Variants in KATNIP observed in about 807,000 individuals in gnomAD.
KATNIP encodes the protein katanin-interacting protein.
KATNIP carries 126 observed loss-of-function variants against 174.0 expected under a neutral mutation model. That is an observed-to-expected ratio of 0.72 (90% CI 0.63 to 0.84). The LOEUF (loss-of-function observed/expected upper bound fraction) is 0.84, where lower values mean the gene tolerates loss of function less well. KATNIP is among the 40% of genes least tolerant of loss of function. The pLI is 0.00. For synonymous variants in KATNIP, 810 were observed against 835.7 expected, an observed-to-expected ratio of 0.97 and a Z score of 0.53; for missense variants, 1,958 against 2,109.7, an observed-to-expected ratio of 0.93 and a Z score of 1.41.
intron 1 of KATNIP, among the ~76,000 whole-genome samples, chr16:27,565,581 T>C (rs565180451): frequency 5.3e-5 from 8 of 151,550 alleles, no homozygotes; most frequent in South Asian, 4.2e-4. Flanking sequence ...AATCCAGGAG[T>C]TTGAGCCCAG....
intron 13 of KATNIP, among the ~76,000 whole-genome samples, chr16:27,719,242 TG>T (rs1250988209): frequency 6.6e-6 from 1 of 152,100 alleles, no homozygotes; most frequent in Non-Finnish European, 1.5e-5. Context: ...CCTGGAGCCC[TG>T]GGAAATGGCG....
In KATNIP at chr16:27,681,904, G is replaced by C. The variant is rs565848966; in HGVS notation, c.940+374G>C. On this transcript the variant is annotated intron_variant, in intron 8 of 27. Transcript: ENST00000261588. ...GGCCGAGGCCCACTCACATGGTGGAGGGCAATCTGCCTTACTCTCCTGATG... is the reference window on the plus strand; with the variant it reads ...GGCCGAGGCCCACTCACATGGTGGACGGCAATCTGCCTTACTCTCCTGATG... Among the ~76,000 whole-genome samples the C allele has an allele frequency of 2.4e-4, 37 of 152,276 alleles. 1 individual carries two copies. The highest frequency in any genetic ancestry group is 8.4e-4 in the African/African-American group (35 of 41,564).
intron 2 of KATNIP, among the ~76,000 whole-genome samples, chr16:27,611,426 G>T (rs1265989655): frequency 1.3e-5 from 2 of 152,156 alleles, no homozygotes; most frequent in Non-Finnish European, 2.9e-5. Flanking sequence ...AACTGAATTA[G>T]GCACAAAAAG....
rs536072031 is a variant in KATNIP at position 27,571,987 on chromosome 16, G to T, written c.8-1914G>T. ...AATCTCTTGATCCCTAAATCCTGGGGGTGTGTGTGTGTGTGTGTATGTGTG... is the reference window on the plus strand; with the variant it reads ...AATCTCTTGATCCCTAAATCCTGGGTGTGTGTGTGTGTGTGTGTATGTGTG... On this transcript the variant is annotated intron_variant, in intron 1 of 27. Coordinates refer to ENST00000261588, the MANE Select transcript of KATNIP (RefSeq NM_015202.5). Among the ~76,000 whole-genome samples, 934 of 150,764 alleles carry T rather than the reference G, an allele frequency of 6.2e-3. 10 individuals carry two copies. The highest frequency in any genetic ancestry group is 0.019 in the African/African-American group (790 of 41,192).
At chr16:27,643,754 G>A (rs1464755113) in intron 5 of KATNIP, among the ~76,000 whole-genome samples, 1 of 151,950 alleles carries the variant, frequency 6.6e-6, no homozygotes, top group Non-Finnish European at 1.5e-5. Context: ...ACTAGAGTTT[G>A]GTAGGTCAGT....
intron 1 of KATNIP, among the ~76,000 whole-genome samples, chr16:27,565,945 A>T (rs947888511): frequency 2.0e-5 from 3 of 152,138 alleles, no homozygotes; most frequent in African/African-American, 7.2e-5. Context: ...AAAAATTAGA[A>T]GACTGGATTT....
chr16:27,615,274 A>G lies in KATNIP; in HGVS notation c.64-3151A>G, dbSNP rs138508936. On this transcript the variant is annotated intron_variant, in intron 2 of 27. Coordinates refer to ENST00000261588, the MANE Select transcript of KATNIP (RefSeq NM_015202.5). The stretch of plus-strand genomic sequence containing the variant: ...CTCCCGAGCAGCTGGGAATACAGGC[A>G]TGCACCACCACATCTGGCCTTTTTT... Among the ~76,000 whole-genome samples the G allele has an allele frequency of 6.8e-3, 1,002 of 147,086 alleles. 15 individuals carry two copies. Among genetic ancestry groups the G allele is most frequent in the African/African-American group, 0.024 (963 of 40,072 alleles).
chr16:27,767,237 G>T (rs910209713), intron 20 of KATNIP, among the ~76,000 whole-genome samples: 2 of 152,104 alleles, frequency 1.3e-5, no homozygotes, highest in Admixed American at 1.3e-4. Context: ...GTAACCTCTG[G>T]CACGTGGCCT....
At chr16:27,718,519 T>C (rs2080062160) in intron 13 of KATNIP, 1 of 152,150 alleles carries the variant, frequency 6.6e-6, no homozygotes, top group Admixed American at 6.5e-5. Flanking sequence ...TATCCGCAGG[T>C]TAATGTTCTT....
At chr16:27,586,998 T>C (rs569220100) in intron 2 of KATNIP, among the ~76,000 whole-genome samples, 1 of 151,570 alleles carries the variant, frequency 6.6e-6, no homozygotes, top group African/African-American at 2.4e-5. Flanking sequence ...ATTGAAGTCC[T>C]GGGAGATGGC....
intron 2 of KATNIP, among the ~76,000 whole-genome samples, chr16:27,595,849 C>T (rs565433669): frequency 6.6e-6 from 1 of 152,298 alleles, no homozygotes; most frequent in Admixed American, 6.5e-5. Context: ...TGAGCAGAGA[C>T]TACAGGAAGT....
chr16:27,766,393 G>A lies in KATNIP; in HGVS notation c.3894G>A (p.Thr1298=), dbSNP rs772450355. ...CGCCGGGGCTGGACCATGTGGTCAC[G>A]ATCCGCCTGGACAGGGCCGAAAGCA... is the stretch of plus-strand genomic sequence containing the variant. ...PFSPGLDHVV[T]IRLDRAESIA... is the part of the protein sequence containing the mutation. The change falls in exon 20 of 28, where the codon ACG becomes ACA. Residue 1298 remains threonine, a synonymous_variant. Transcript: ENST00000261588. 6.8e-6 allele frequency: 11 copies of A among 1,614,050 alleles called. 1 individual carries two copies. Among genetic ancestry groups the A allele is most frequent in the Admixed American group, 3.3e-5 (2 of 60,014 alleles).
intron 5 of KATNIP, among the ~76,000 whole-genome samples, chr16:27,633,330 T>G (rs550797451): frequency 1.3e-5 from 2 of 152,156 alleles, no homozygotes; most frequent in South Asian, 4.1e-4. Context: ...TCTGACTTGC[T>G]GAGGCTTAAG....
intron 2 of KATNIP, among the ~76,000 whole-genome samples, chr16:27,607,289 C>T (rs1226663803): frequency 6.6e-6 from 1 of 152,168 alleles, no homozygotes; most frequent in African/African-American, 2.4e-5. Context: ...CTGCTATCTC[C>T]ACTTAGAGGC....
intron 13 of KATNIP, among the ~76,000 whole-genome samples, chr16:27,716,215 T>A (rs1277735385): frequency 6.6e-6 from 1 of 152,222 alleles, no homozygotes; most frequent in Non-Finnish European, 1.5e-5. Flanking sequence ...CTATATGTTG[T>A]ATAATTTCAT....
rs8053976 is a variant in KATNIP at position 27,774,824 on chromosome 16, G to A, written c.4310-121G>A. On this transcript the variant is annotated intron_variant, in intron 23 of 27. Coordinates refer to ENST00000261588, the MANE Select transcript of KATNIP (RefSeq NM_015202.5). ...CGTCCAATTCAGCTGTCACTGCTGC[G>A]GCTGCCCAAAGCATCAGCCCTGCCA... 0.13 allele frequency: 154,420 copies of A among 1,149,918 alleles called. 11,436 individuals carry two copies. Among genetic ancestry groups the A allele is most frequent in the Admixed American group, 0.16 (7,689 of 48,612 alleles). 71.2% of individuals were successfully genotyped at this position (1,149,918 alleles called of 1,614,324 possible). A position where few individuals can be genotyped will look rare whatever the true frequency, so the allele number is the denominator to read the frequency against.
intron 7 of KATNIP, among the ~76,000 whole-genome samples, chr16:27,678,413 C>T (rs1478919899): frequency 6.6e-6 from 1 of 151,950 alleles, no homozygotes; most frequent in East Asian, 1.9e-4. Context: ...TCCCATCTCC[C>T]CTCTTCCCTC....
rs115148047 is a variant in KATNIP, at chr16:27,683,751, T to A, written c.940+2221T>A. On this transcript the variant is annotated intron_variant, in intron 8 of 27. Coordinates refer to ENST00000261588, the MANE Select transcript of KATNIP (RefSeq NM_015202.5). Reference sequence around the variant, plus strand: ...GCCTGAGTCTGCTTTCGGAGCTCCCTCAGCAGGTGGGGAGTAGGGGTGGCA... The same window carrying A: ...GCCTGAGTCTGCTTTCGGAGCTCCCACAGCAGGTGGGGAGTAGGGGTGGCA... 6.0e-3 allele frequency among the ~76,000 whole-genome samples: 914 copies of A among 152,232 alleles called. 19 individuals are homozygous for A. Among genetic ancestry groups the A allele is most frequent in the African/African-American group, 0.021 (879 of 41,524 alleles).
chr16:27,746,346 G>A (rs2081295580), intron 15 of KATNIP, among the ~76,000 whole-genome samples: 1 of 152,194 alleles, frequency 6.6e-6, no homozygotes, highest in East Asian at 1.9e-4. Context: ...GAAGTCACGA[G>A]AATCCATCTG....
Sources: allele counts gnomAD v4.1 joint callset (sites outside exome capture counted in the v4.1 genomes callset), GRCh38; gene constraint gnomAD v4.1.1; transcripts MANE v1.5; gene names NCBI Gene and HGNC (gene_info 2026-07-23, HGNC 2026-07-21).